SRGAP1: variants seen among roughly 807,000 people sequenced by gnomAD.
SRGAP1 encodes SLIT-ROBO Rho GTPase-activating protein 1.
Under a neutral mutation model 121.9 loss-of-function variants are expected in SRGAP1, and 43 were observed. That is an observed-to-expected ratio of 0.35 (90% CI 0.28 to 0.46). SRGAP1 has a LOEUF of 0.46. SRGAP1 is among the 20% of genes least tolerant of loss of function. SRGAP1 has a pLI of 1.00. For missense variants in SRGAP1, 1,102 were observed against 1,350.9 expected, an observed-to-expected ratio of 0.82 and a Z score of 2.89; for synonymous variants, 447 against 485.4, an observed-to-expected ratio of 0.92 and a Z score of 1.04.
chr12:64,125,440 A>G (rs940728144), intron 18 of SRGAP1, among the ~76,000 whole-genome samples: 36 of 152,342 alleles, frequency 2.4e-4, no homozygotes, highest in African/African-American at 8.7e-4. Flanking sequence ...CAGAGAGCAC[A>G]TGGGGAAATT....
chr12:63,916,736 T>C (rs1226301219), intron 1 of SRGAP1, among the ~76,000 whole-genome samples: 1 of 152,108 alleles, frequency 6.6e-6, no homozygotes, highest in African/African-American at 2.4e-5. Context: ...GTGCCTAGGA[T>C]GATATAAAAG....
chr12:63,921,148 C>T (rs147069975), intron 1 of SRGAP1, among the ~76,000 whole-genome samples: 205 of 152,286 alleles, frequency 1.3e-3, no homozygotes, highest in African/African-American at 3.7e-3. Flanking sequence ...ATTACCACCA[C>T]CTGACAGTTT....
chr12:64,138,570 C>T (rs1483053311), intron 21 of SRGAP1, among the ~76,000 whole-genome samples: 4 of 150,634 alleles, frequency 2.7e-5, no homozygotes, highest in Non-Finnish European at 4.4e-5. Flanking sequence ...AAGCAATTCT[C>T]CTGCCTCAGC....
At chr12:63,849,060 TA>T (rs1385095006) in intron 1 of SRGAP1, among the ~76,000 whole-genome samples, 1 of 152,218 alleles carries the variant, frequency 6.6e-6, no homozygotes, top group Non-Finnish European at 1.5e-5. Context: ...GCAACAGTTT[TA>T]AAGAATGAAT....
intron 18 of SRGAP1, among the ~76,000 whole-genome samples, chr12:64,116,208 G>C (rs1415012225): frequency 6.9e-6 from 1 of 145,672 alleles, no homozygotes; most frequent in Non-Finnish European, 1.5e-5. Context: ...AGTGAACTAG[G>C]ATAGCGCCAC....
chr12:63,938,731 A>G (rs994276554), intron 1 of SRGAP1, among the ~76,000 whole-genome samples: 6 of 151,908 alleles, frequency 3.9e-5, no homozygotes, highest in African/African-American at 9.7e-5. Flanking sequence ...CTCTTCAGAA[A>G]TGTTTTTAGG....
intron 1 of SRGAP1, among the ~76,000 whole-genome samples, chr12:63,921,643 ACAAC>A (rs2031049251): frequency 2.0e-5 from 3 of 152,206 alleles, no homozygotes; most frequent in Admixed American, 1.3e-4. Context: ...CACGCCTGCC[ACAAC>A]TAAGGATTAT....
At chr12:64,016,427 C>T (rs191396140) in intron 3 of SRGAP1, among the ~76,000 whole-genome samples, 1 of 152,162 alleles carries the variant, frequency 6.6e-6, no homozygotes, top group Admixed American at 6.5e-5. Context: ...TTCAAGGTTG[C>T]GGTGAGCTGT....
At chr12:63,939,540 A>C (rs2136348474) in intron 1 of SRGAP1, among the ~76,000 whole-genome samples, 1 of 152,300 alleles carries the variant, frequency 6.6e-6, no homozygotes, top group African/African-American at 2.4e-5. Flanking sequence ...TAGAAAAGAG[A>C]CCAAGATAAA....
chr12:63,854,940 A>G (rs1899188945), intron 1 of SRGAP1, among the ~76,000 whole-genome samples: 1 of 152,188 alleles, frequency 6.6e-6, no homozygotes, highest in African/African-American at 2.4e-5. Flanking sequence ...CCTTTCTCTT[A>G]TTAGCAGGGG....
At chr12:63,896,029 G>A (rs1185822051) in intron 1 of SRGAP1, among the ~76,000 whole-genome samples, 1 of 152,142 alleles carries the variant, frequency 6.6e-6, no homozygotes, top group Non-Finnish European at 1.5e-5. Context: ...GGTTATGACT[G>A]TGGGCTCTGG....
At chr12:64,121,943 C>A (rs2036611751) in intron 18 of SRGAP1, among the ~76,000 whole-genome samples, 1 of 152,124 alleles carries the variant, frequency 6.6e-6, no homozygotes, top group Non-Finnish European at 1.5e-5. Context: ...CCTTTGATTG[C>A]CGAGGTATTG....
rs1252615414 is a variant in SRGAP1 at position 64,108,980 on chromosome 12, T to C, written c.1862T>C (p.Leu621Pro). ...GCGCTTCACATCCGCAAACTCCTCCTGACTTTGCCCAGGTCGGTCCTTATA... is the reference window on the plus strand; with the variant it reads ...GCGCTTCACATCCGCAAACTCCTCCCGACTTTGCCCAGGTCGGTCCTTATA... Reference protein sequence around the residue: ...ERALHIRKLLLTLPRSVLIVM... With the variant: ...ERALHIRKLLPTLPRSVLIVM... The change falls in exon 16 of 22, where the codon CTG (leucine) becomes CCG (proline). Residue 621 changes from leucine to proline, a missense_variant. Around this residue, in one of 3 missense-constraint regions of SRGAP1, gnomAD observed 747 missense variants for 929.4 expected, o/e 0.80. Coordinates refer to ENST00000355086, the MANE Select transcript of SRGAP1 (RefSeq NM_020762.4). 1 of 1,605,136 alleles carries C rather than the reference T, an allele frequency of 6.2e-7. No individual in the cohort carries two copies. Among genetic ancestry groups the C allele is most frequent in the Non-Finnish European group, 8.5e-7 (1 of 1,173,918 alleles).
At chr12:63,862,529 C>T (rs1048472059) in intron 1 of SRGAP1, among the ~76,000 whole-genome samples, 2 of 152,192 alleles carry the variant, frequency 1.3e-5, no homozygotes, top group Non-Finnish European at 2.9e-5. Context: ...AGCTCCTTCT[C>T]ACAGACCTCC....
chr12:63,995,450 C>T lies in SRGAP1; in HGVS notation c.426+5378C>T, dbSNP rs936371629. Among the ~76,000 whole-genome samples the T allele has an allele frequency of 1.3e-5, 2 of 152,078 alleles. 1 individual carries two copies. The highest frequency in any genetic ancestry group is 4.1e-4 in the South Asian group (2 of 4,824). On this transcript the variant is annotated intron_variant, in intron 3 of 21. Coordinates refer to ENST00000355086, the MANE Select transcript of SRGAP1 (RefSeq NM_020762.4). ...ACTAGCATGTATTCTTGTCTTTGCC[C>T]GTATGTCTTAGATAGTTCATAGCTC...
chr12:64,103,931 C>A (rs758293854), intron 15 of SRGAP1, among the ~76,000 whole-genome samples: 1 of 152,170 alleles, frequency 6.6e-6, no homozygotes, highest in Non-Finnish European at 1.5e-5. Context: ...GAAACTGATA[C>A]ATTCATCTTG....
At chr12:64,092,735 G>A (rs866316720) in intron 12 of SRGAP1, among the ~76,000 whole-genome samples, 1 of 152,044 alleles carries the variant, frequency 6.6e-6, no homozygotes, top group Non-Finnish European at 1.5e-5. Context: ...AGAGAGGAAC[G>A]ATAAAATGAA....
chr12:63,845,012 G>A (rs976519228), intron 1 of SRGAP1, 129 bp downstream of exon 1: 18 of 873,136 alleles, frequency 2.1e-5, no homozygotes, highest in Non-Finnish European at 3.2e-5. Flanking sequence ...CCCTGTCTGA[G>A]CCACCTGGGC....
intron 7 of SRGAP1, among the ~76,000 whole-genome samples, chr12:64,063,880 CTA>C (rs2035492608): frequency 6.6e-6 from 1 of 151,584 alleles, no homozygotes; most frequent in Admixed American, 6.6e-5. Flanking sequence ...TTCTTTAATG[CTA>C]TGTTTTTTTC....
Sources: allele counts gnomAD v4.1 joint callset (sites outside exome capture counted in the v4.1 genomes callset), GRCh38; gene constraint gnomAD v4.1.1; regional missense constraint gnomAD v4.1.1; transcripts MANE v1.5; gene names NCBI Gene and HGNC (gene_info 2026-07-23, HGNC 2026-07-21).